Variants in N4BP2L1 observed in about 807,000 individuals in gnomAD.
The protein encoded by N4BP2L1 is NEDD4-binding protein 2-like 1.
N4BP2L1 carries 12 observed loss-of-function variants against 21.2 expected under a neutral mutation model. The observed-to-expected ratio is 0.57, with a 90% CI of 0.36 to 0.92. The LOEUF is 0.92. Ranked by LOEUF, N4BP2L1 falls within the 40% of genes least tolerant of loss-of-function variation. N4BP2L1 has a pLI of 0.01. For synonymous variants in N4BP2L1, 104 were observed against 112.8 expected, an observed-to-expected ratio of 0.92 and a Z score of 0.49; for missense variants, 259 against 310.6, an observed-to-expected ratio of 0.83 and a Z score of 1.25.
intron 1 of N4BP2L1, among the ~76,000 whole-genome samples, chr13:32,427,283 G>C (rs2074828858): frequency 6.6e-6 from 1 of 152,234 alleles, no homozygotes; most frequent in Non-Finnish European, 1.5e-5. Context: ...GCAAACGCAG[G>C]CTCCCCGACT....
At chr13:32,419,412 ATTTTTTTTTTTTTTTTTTTTTTTTT>A in intron 1 of N4BP2L1, 1 of 277,786 alleles carries the variant, frequency 3.6e-6, no homozygotes, top group Non-Finnish European at 6.4e-6. Context: ...TGCTTGGCTA[ATTTTTTTTTTTTTTTTTTTTTTTTT>A]TTTTTTTTTT....
intron 1 of N4BP2L1, among the ~76,000 whole-genome samples, chr13:32,424,621 C>G (rs2074664411): frequency 6.6e-6 from 1 of 152,224 alleles, no homozygotes; most frequent in Non-Finnish European, 1.5e-5. Flanking sequence ...TGAGCCACCG[C>G]TCCACCCTCC....
chr13:32,407,112 C>A lies in N4BP2L1; in HGVS notation c.396+138G>T, dbSNP rs182583124. On this transcript the variant is annotated intron_variant, in intron 3 of 4. Coordinates refer to ENST00000380130, the MANE Select transcript of N4BP2L1 (RefSeq NM_052818.3). ...CAGCAGAGAAACACTAAAATAAAAC[C>A]TCGTTACCTTCTCCCTGGGAGAACC... The A allele has an allele frequency of 9.7e-6, 8 of 826,670 alleles. No individual in the cohort carries two copies. In the Admixed American group the frequency reaches 1.5e-4, roughly 15 times the overall value. 51.2% of individuals were successfully genotyped at this position (826,670 alleles called of 1,614,324 possible).
Position 32,412,677 on chromosome 13 carries a change from G to A in N4BP2L1, c.180-4905C>T, listed in dbSNP as rs550342217. Among the ~76,000 whole-genome samples the A allele has an allele frequency of 6.0e-5, 9 of 149,568 alleles. No individual in the cohort carries two copies. The South Asian group carries it at 1.3e-3, about 21-fold the overall frequency. ...AAAAAAAAGATAAACTCCATACATC[G>A]CGATACTTTATTCCTAAATTCTTTA... On this transcript the variant is annotated intron_variant, in intron 1 of 4. Coordinates refer to ENST00000380130, the MANE Select transcript of N4BP2L1 (RefSeq NM_052818.3).
intron 1 of N4BP2L1, among the ~76,000 whole-genome samples, chr13:32,412,606 C>T (rs993866135): frequency 1.3e-5 from 2 of 149,192 alleles, no homozygotes; most frequent in Non-Finnish European, 3.0e-5. Flanking sequence ...CAGCTCCAGC[C>T]TAGGTGACAG....
chr13:32,407,911 CAA>C, intron 1 of N4BP2L1, 139 bp from the exon 2 acceptor site: 1 of 944,282 alleles, frequency 1.1e-6, no homozygotes, highest in Admixed American at 2.7e-5. Context: ...AATGCAGTTT[CAA>C]AAGAGAGATG....
intron 1 of N4BP2L1, among the ~76,000 whole-genome samples, chr13:32,416,295 T>A (rs2074134696): frequency 6.6e-6 from 1 of 152,158 alleles, no homozygotes; most frequent in African/African-American, 2.4e-5. Context: ...GAATCCCCAA[T>A]CCCCATGTTA....
intron 1 of N4BP2L1, among the ~76,000 whole-genome samples, chr13:32,419,187 G>A (rs2074314349): frequency 1.3e-5 from 2 of 151,588 alleles, no homozygotes; most frequent in South Asian, 4.2e-4. Flanking sequence ...TGAATCATGG[G>A]AGCAGTTACC....
chr13:32,420,959 G>A (rs2074442955), intron 1 of N4BP2L1, among the ~76,000 whole-genome samples: 1 of 152,054 alleles, frequency 6.6e-6, no homozygotes, highest in Non-Finnish European at 1.5e-5. Context: ...GCCTCCCAAA[G>A]TGCTGGGATT....
At chr13:32,405,984 G>C (rs1593231767) in intron 3 of N4BP2L1, among the ~76,000 whole-genome samples, 1 of 132,982 alleles carries the variant, frequency 7.5e-6, no homozygotes, top group East Asian at 2.4e-4. Context: ...CTCACTGCAA[G>C]CTCCACCTCC....
At chr13:32,423,616 C>T (rs2074604557) in intron 1 of N4BP2L1, among the ~76,000 whole-genome samples, 1 of 152,166 alleles carries the variant, frequency 6.6e-6, no homozygotes, top group South Asian at 2.1e-4. Flanking sequence ...TAGTAAAGTT[C>T]TGACACATGC....
intron 3 of N4BP2L1, chr13:32,406,308 C>G (rs898883819): frequency 2.6e-5 from 4 of 152,044 alleles, no homozygotes; most frequent in African/African-American, 9.7e-5. Flanking sequence ...TGAAAAAAGA[C>G]CAAATAGACT....
At chr13:32,417,423 A>G (rs2074211604) in intron 1 of N4BP2L1, among the ~76,000 whole-genome samples, 1 of 152,128 alleles carries the variant, frequency 6.6e-6, no homozygotes, top group Non-Finnish European at 1.5e-5. Context: ...CCTTGCTGTC[A>G]CCATGTGAGG....
chr13:32,405,892 C>CCTTTTTTTTTTTTTTT (rs2073452557), intron 3 of N4BP2L1, among the ~76,000 whole-genome samples: 1 of 101,192 alleles, frequency 9.9e-6, no homozygotes. Context: ...TTCCTGCCCC[C>CCTTTTTTTTTTTTTTT]TTTTTTTTTT....
chr13:32,412,281 A>G lies in N4BP2L1; in HGVS notation c.180-4509T>C, dbSNP rs2073899119. Among the ~76,000 whole-genome samples the G allele has an allele frequency of 2.6e-5, 4 of 152,104 alleles. No homozygotes were observed. In the South Asian group the frequency reaches 8.3e-4, roughly 31 times the overall value. ...TCATCTATGGTCACCAGATGTTCAC[A>G]TTTTGCCTTAGTTTATGTCTCTCCT... On this transcript the variant is annotated intron_variant, in intron 1 of 4. Coordinates refer to ENST00000380130, the MANE Select transcript of N4BP2L1 (RefSeq NM_052818.3).
At position 32,427,930 on chromosome 13, in the gene N4BP2L1, C is replaced by G; in HGVS notation, c.153G>C (p.Pro51=). The G allele has an allele frequency of 6.6e-7, 1 of 1,523,878 alleles. No individual in the cohort carries two copies. Among genetic ancestry groups the G allele is most frequent in the Non-Finnish European group, 8.8e-7 (1 of 1,134,610 alleles). 94.4% of individuals were successfully genotyped at this position (1,523,878 alleles called of 1,614,324 possible). Residue 51 remains proline, a synonymous_variant, in exon 1 of 5, where the codon CCG becomes CCC. Coordinates refer to ENST00000380130, the MANE Select transcript of N4BP2L1 (RefSeq NM_052818.3). The stretch of plus-strand genomic sequence containing the variant: ...TGGCCAGTGTAGTTTTCCCGGAGCC[C>G]GGGAGGCCTCGCAGGAGGTAGAGGT... ...RKHLYLLRGL[P]GSGKTTLARQ... is the part of the protein sequence containing the mutation.
chr13:32,404,142 C>T (rs771962589), intron 4 of N4BP2L1, 179 bp downstream of exon 4: 2 of 1,604,990 alleles, frequency 1.2e-6, no homozygotes, highest in Non-Finnish European at 1.7e-6. Context: ...TATTAGAAAA[C>T]TGACCCAAAA....
intron 1 of N4BP2L1, among the ~76,000 whole-genome samples, chr13:32,415,340 G>A (rs1366837671): frequency 6.6e-6 from 1 of 152,140 alleles, no homozygotes; most frequent in Non-Finnish European, 1.5e-5. Flanking sequence ...AGAAGAAAGG[G>A]TAGTTAACTA....
Position 32,403,067 on chromosome 13 carries a change from C to T in N4BP2L1, c.607G>A (p.Ala203Thr). ...TATCTGGCATTGTTGGAAGGCAATG[C>T]ATTATTCCTGTCCTGGTTTCTGTTC... ...RMNRNQDRNN[A>T]LPSNNARYWN... Residue 203 changes from alanine to threonine, a missense_variant, in exon 5 of 5, where the codon GCA becomes ACA. Ala to Thr is a moderately conservative substitution (Grantham distance 58). Transcript: ENST00000380130. 1 of 1,614,100 alleles carries T rather than the reference C, an allele frequency of 6.2e-7. No homozygotes were observed. Among genetic ancestry groups the T allele is most frequent in the South Asian group, 1.1e-5 (1 of 91,080 alleles).
Sources: allele counts gnomAD v4.1 joint callset (sites outside exome capture counted in the v4.1 genomes callset), GRCh38; gene constraint gnomAD v4.1.1; transcripts MANE v1.5; gene names NCBI Gene and HGNC (gene_info 2026-07-23, HGNC 2026-07-21).